The following DLGAP2 variants were observed in gnomAD, a reference collection of about 807,000 sequenced individuals.
DLGAP2 encodes disks large-associated protein 2.
In DLGAP2, 26 loss-of-function variants were observed where a neutral mutation model predicts 100.3. That is an observed-to-expected ratio of 0.26 (90% CI 0.19 to 0.36). The LOEUF (loss-of-function observed/expected upper bound fraction) is 0.36, where lower values mean the gene tolerates loss of function less well. DLGAP2 is among the 10% of genes least tolerant of loss of function. The pLI, the probability that DLGAP2 is intolerant of heterozygous loss-of-function variation, is 1.00. For missense variants in DLGAP2, 1,858 were observed against 1,453.2 expected (o/e 1.28, Z -4.53); for synonymous variants, 886 against 630.1 (o/e 1.41, Z -6.08).
At chr8:1,114,275 A>AG (rs1367567640) in intron 2 of DLGAP2, among the ~76,000 whole-genome samples, 1 of 152,100 alleles carries the variant, frequency 6.6e-6, no homozygotes, top group Non-Finnish European at 1.5e-5. Flanking sequence ...TAGAAATAGT[A>AG]CCAGCTCTGC....
intron 3 of DLGAP2, among the ~76,000 whole-genome samples, chr8:1,320,066 C>T (rs987890198): frequency 2.0e-5 from 3 of 151,902 alleles, no homozygotes; most frequent in Non-Finnish European, 4.4e-5. Flanking sequence ...TTGAGGAACT[C>T]GGGAGTGGTT....
chr8:1,154,984 T>C (rs1796755261), intron 2 of DLGAP2, among the ~76,000 whole-genome samples: 1 of 152,220 alleles, frequency 6.6e-6, no homozygotes, highest in African/African-American at 2.4e-5. Context: ...TGGCTACTTC[T>C]TCCCGGGCCT....
chr8:968,311 C>G (rs1249542154), intron 2 of DLGAP2, among the ~76,000 whole-genome samples: 3 of 152,172 alleles, frequency 2.0e-5, no homozygotes, highest in Non-Finnish European at 4.4e-5. Context: ...ACCGACCCAC[C>G]TAATTCTCTG....
At chr8:1,577,762 G>A (rs1001872343) in intron 6 of DLGAP2, among the ~76,000 whole-genome samples, 31 of 152,148 alleles carry the variant, frequency 2.0e-4, no homozygotes, top group African/African-American at 7.5e-4. Flanking sequence ...CCAGGAAGGA[G>A]CAGCAACCTC....
chr8:855,063 G>A (rs551043910), intron 1 of DLGAP2, among the ~76,000 whole-genome samples: 21 of 152,162 alleles, frequency 1.4e-4, no homozygotes, highest in African/African-American at 4.6e-4. Context: ...GGCGCTTGCC[G>A]AGTGGTGGGG....
chr8:1,184,788 C>A (rs1797463745), intron 2 of DLGAP2, among the ~76,000 whole-genome samples: 1 of 152,198 alleles, frequency 6.6e-6, no homozygotes. Flanking sequence ...GTTGGTGAAT[C>A]TGGCCCTCTC....
At chr8:1,171,844 C>T (rs943324653) in intron 2 of DLGAP2, among the ~76,000 whole-genome samples, 1 of 152,110 alleles carries the variant, frequency 6.6e-6, no homozygotes, top group Non-Finnish European at 1.5e-5. Context: ...TCCAATTTGC[C>T]AGTCTGTGTC....
At chr8:973,936 T>G (rs1056934645) in intron 2 of DLGAP2, among the ~76,000 whole-genome samples, 1 of 150,962 alleles carries the variant, frequency 6.6e-6, no homozygotes, top group Non-Finnish European at 1.5e-5. Flanking sequence ...TGGAGAGCGC[T>G]GGGCGCAAGC....
At chr8:1,634,129 T>C (rs1374408275) in intron 8 of DLGAP2, among the ~76,000 whole-genome samples, 5 of 152,254 alleles carry the variant, frequency 3.3e-5, no homozygotes, top group Admixed American at 2.6e-4. Context: ...TGTTCCATCA[T>C]GTCCTCGCTG....
At chr8:1,249,249 A>G (rs1160691989) in intron 2 of DLGAP2, among the ~76,000 whole-genome samples, 2 of 152,130 alleles carry the variant, frequency 1.3e-5, no homozygotes, top group Non-Finnish European at 2.9e-5. Context: ...CAGAAGCAGA[A>G]TGGCAGACTC....
intron 3 of DLGAP2, among the ~76,000 whole-genome samples, chr8:1,316,398 A>G (rs1015880116): frequency 7.1e-6 from 1 of 140,650 alleles, no homozygotes; most frequent in Non-Finnish European, 1.5e-5. Flanking sequence ...GGCAGCTTTT[A>G]AAAATAGAGC....
At chr8:1,253,645 G>C (rs1268504839) in intron 2 of DLGAP2, among the ~76,000 whole-genome samples, 2 of 128,716 alleles carry the variant, frequency 1.6e-5, no homozygotes, top group African/African-American at 2.9e-5. Flanking sequence ...GGTTCTCAGC[G>C]GGCTGCGTGT....
At chr8:1,616,343 A>G (rs573454545) in intron 6 of DLGAP2, among the ~76,000 whole-genome samples, 1 of 152,304 alleles carries the variant, frequency 6.6e-6, no homozygotes, top group African/African-American at 2.4e-5. Flanking sequence ...TGAAGAAAAA[A>G]TGGCCAAATA....
chr8:759,646 C>T (rs1477354635), intron 1 of DLGAP2, among the ~76,000 whole-genome samples: 2 of 152,170 alleles, frequency 1.3e-5, no homozygotes, highest in African/African-American at 2.4e-5. Context: ...GGTCTGAGTC[C>T]AGCACTCCGG....
intron 3 of DLGAP2, among the ~76,000 whole-genome samples, chr8:1,317,052 C>T (rs1800771531): frequency 1.6e-5 from 2 of 121,608 alleles, no homozygotes; most frequent in African/African-American, 6.8e-5. Context: ...GCGAGTGCAG[C>T]GTCTCTCCAA....
rs138037655 is a variant in DLGAP2, at chr8:959,456, C to A, written c.73+51490C>A. On this transcript the variant is annotated intron_variant, in intron 2 of 14. Coordinates refer to ENST00000637795, the MANE Select transcript of DLGAP2 (RefSeq NM_001346810.2). ...AGCCTTAGCTCTGAGAATGCCCTGG[C>A]TCATGCTGGCTTAGAATGTGGTCTT... Among the ~76,000 whole-genome samples the A allele has an allele frequency of 3.1e-3, 476 of 152,330 alleles. 3 individuals are homozygous for A. The highest frequency in any genetic ancestry group is 0.011 in the African/African-American group (451 of 41,586).
chr8:1,439,696 G>A (rs1026991324), intron 3 of DLGAP2, among the ~76,000 whole-genome samples: 1 of 152,132 alleles, frequency 6.6e-6, no homozygotes, highest in Non-Finnish European at 1.5e-5. Flanking sequence ...TATGTCTCCT[G>A]CTCACCTTCT....
chr8:1,306,074 C>CAAAAAAAAAAAAAAAAAAAAAAAAA (rs61647224), intron 3 of DLGAP2, among the ~76,000 whole-genome samples: 1 of 116,448 alleles, frequency 8.6e-6, no homozygotes, highest in Non-Finnish European at 1.8e-5. Flanking sequence ...AGAAATTAGG[C>CAAAAAAAAAAAAAAAAAAAAAAAAA]AAAAAAAAAA....
intron 3 of DLGAP2, among the ~76,000 whole-genome samples, chr8:1,473,377 G>A (rs1198705484): frequency 1.3e-5 from 2 of 152,226 alleles, no homozygotes; most frequent in Non-Finnish European, 2.9e-5. Context: ...AACGGAGCCT[G>A]CAGTGAGGGA....
Sources: allele counts gnomAD v4.1 joint callset (sites outside exome capture counted in the v4.1 genomes callset), GRCh38; gene constraint gnomAD v4.1.1; transcripts MANE v1.5; gene names NCBI Gene and HGNC (gene_info 2026-07-23, HGNC 2026-07-21).